The following ARNT2 variants were observed in gnomAD, a reference collection of about 807,000 sequenced individuals.
ARNT2 encodes the protein aryl hydrocarbon receptor nuclear translocator 2, also known as ARNT protein 2.
ARNT2 carries 36 observed loss-of-function variants against 91.7 expected under a neutral mutation model. That is an observed-to-expected ratio of 0.39 (90% CI 0.30 to 0.52). The LOEUF (loss-of-function observed/expected upper bound fraction) is 0.52, where lower values mean the gene tolerates loss of function less well. Ranked by LOEUF, ARNT2 falls within the 20% of genes least tolerant of loss-of-function variation. ARNT2 has a pLI of 0.72. For missense variants in ARNT2, 775 were observed against 939.3 expected (o/e 0.83, Z 2.29); for synonymous variants, 365 against 347.1 (o/e 1.05, Z -0.57).
chr15:80,551,697 G>A lies in ARNT2; in HGVS notation c.954+422G>A, dbSNP rs147189819. ...CCTTTCTATAAACCCCCACCTCTACGGGTGTTCACAGGCTGTTTCTTCTGC... is the reference window on the plus strand; with the variant it reads ...CCTTTCTATAAACCCCCACCTCTACAGGTGTTCACAGGCTGTTTCTTCTGC... On this transcript the variant is annotated intron_variant, in intron 9 of 18. Coordinates refer to ENST00000303329, the MANE Select transcript of ARNT2 (RefSeq NM_014862.4). Among the ~76,000 whole-genome samples, 465 of 152,138 alleles carry A rather than the reference G, an allele frequency of 3.1e-3. 1 individual carries two copies. The highest frequency in any genetic ancestry group is 0.011 in the African/African-American group (438 of 41,488).
At chr15:80,514,072 T>C (rs186442989) in intron 7 of ARNT2, 96 bp downstream of exon 7, 2 of 1,251,388 alleles carry the variant, frequency 1.6e-6, no homozygotes, top group Admixed American at 1.9e-5. Context: ...GGGCTTAGTG[T>C]GGTGAGGACC....
At chr15:80,581,606 T>A (rs1567007805) in intron 17 of ARNT2, among the ~76,000 whole-genome samples, 3 of 152,146 alleles carry the variant, frequency 2.0e-5, no homozygotes, top group Non-Finnish European at 4.4e-5. Flanking sequence ...GCTTTGTGAT[T>A]TGACTTTATC....
In ARNT2 at chr15:80,576,873, G is replaced by A. The variant is rs1344377286; in HGVS notation, c.1521G>A (p.Lys507=). The A allele has an allele frequency of 4.3e-6, 7 of 1,614,082 alleles. No individual in the cohort carries two copies. The highest frequency in any genetic ancestry group is 5.9e-6 in the Non-Finnish European group (7 of 1,180,030). Residue 507 remains lysine, a synonymous_variant, in exon 15 of 19, where the codon AAG becomes AAA. Transcript: ENST00000303329. ...CTGCTCTGGTTTTCCTAGCGGAGAA[G>A]AAGATGATGAGCTCAGCCTCTGCAG... is the stretch of plus-strand genomic sequence containing the variant. The part of the protein sequence containing the change: ...EMFAGISASE[K]KMMSSASAAG...
chr15:80,560,742 A>G (rs1289301859), intron 11 of ARNT2, among the ~76,000 whole-genome samples: 1 of 152,172 alleles, frequency 6.6e-6, no homozygotes, highest in East Asian at 1.9e-4. Flanking sequence ...CTGACCTGAG[A>G]GGCACATGGC....
At chr15:80,498,517 G>C (rs1394202299) in intron 5 of ARNT2, among the ~76,000 whole-genome samples, 1 of 152,160 alleles carries the variant, frequency 6.6e-6, no homozygotes, top group South Asian at 2.1e-4. Flanking sequence ...CAAAAGCTAG[G>C]CTGTCCCAGC....
chr15:80,580,155 G>C (rs1898763986), intron 15 of ARNT2: 1 of 482,830 alleles, frequency 2.1e-6, no homozygotes, highest in African/African-American at 1.9e-5. Context: ...GGAGACCCTG[G>C]GGAGAACGAG....
intron 5 of ARNT2, chr15:80,487,940 G>A (rs1467609156): frequency 6.6e-6 from 1 of 152,228 alleles, no homozygotes; most frequent in East Asian, 1.9e-4. Context: ...GGCTTACAGG[G>A]AATCAGGGAG....
intron 1 of ARNT2, among the ~76,000 whole-genome samples, chr15:80,419,009 C>T (rs968419828): frequency 7.2e-5 from 11 of 152,102 alleles, no homozygotes; most frequent in South Asian, 2.1e-4. Context: ...TTGAGGGGAG[C>T]GTCTTTCGGA....
chr15:80,474,284 A>G (rs6495504), intron 4 of ARNT2, among the ~76,000 whole-genome samples: 10,002 of 152,188 alleles, frequency 0.066, 778 homozygotes, highest in African/African-American at 0.18. Context: ...CATGACCCCA[A>G]TGAATCAATG....
chr15:80,529,997 T>G (rs1279604076), intron 8 of ARNT2, among the ~76,000 whole-genome samples: 1 of 152,256 alleles, frequency 6.6e-6, no homozygotes, highest in Non-Finnish European at 1.5e-5. Context: ...GGCTTTTTCC[T>G]CTTTTCTTTT....
In ARNT2 at chr15:80,577,023, C is replaced by G. The variant is rs1898689206; in HGVS notation, c.1613+58C>G. On this transcript the variant is annotated intron_variant, in intron 15 of 18. Coordinates refer to ENST00000303329, the MANE Select transcript of ARNT2 (RefSeq NM_014862.4). ...AAGATGCTCCCTCACCAAGAAAGCCCTGGGTCTCAGAGCACAGCTCTGTGG... is the reference window on the plus strand; with the variant it reads ...AAGATGCTCCCTCACCAAGAAAGCCGTGGGTCTCAGAGCACAGCTCTGTGG... 6.4e-6 allele frequency: 10 copies of G among 1,552,618 alleles called. No homozygotes were observed. In the East Asian group the frequency reaches 2.2e-4, roughly 35 times the overall value.
chr15:80,479,389 G>A (rs1896852936), intron 5 of ARNT2, among the ~76,000 whole-genome samples: 4 of 152,210 alleles, frequency 2.6e-5, no homozygotes, highest in Admixed American at 1.3e-4. Context: ...GACTTGTCAT[G>A]ATCTGACTTG....
intron 17 of ARNT2, among the ~76,000 whole-genome samples, chr15:80,585,915 G>C (rs1229254043): frequency 6.6e-6 from 1 of 152,234 alleles, no homozygotes; most frequent in Non-Finnish European, 1.5e-5. Context: ...CCTCTGCTGA[G>C]AAAGCCTAAC....
At chr15:80,581,998 C>CTT (rs1898807595) in intron 17 of ARNT2, among the ~76,000 whole-genome samples, 1 of 152,170 alleles carries the variant, frequency 6.6e-6, no homozygotes, top group African/African-American at 2.4e-5. Flanking sequence ...ATAAGAGACC[C>CTT]GTGGTCCTGG....
rs569152197 is a variant in ARNT2 at position 80,505,095 on chromosome 15, C to T, written c.623-3061C>T. 6.6e-5 allele frequency among the ~76,000 whole-genome samples: 10 copies of T among 152,314 alleles called. No individual in the cohort carries two copies. In the South Asian group the frequency reaches 1.0e-3, roughly 16 times the overall value. ...TAAGCCTGCCAGGAAACACATTTGT[C>T]GCTTGCCTCCTGTGTGCGAATCACT... On this transcript the variant is annotated intron_variant, in intron 5 of 18. Transcript: ENST00000303329.
intron 5 of ARNT2, among the ~76,000 whole-genome samples, chr15:80,478,353 G>A (rs909024905): frequency 6.6e-5 from 10 of 152,228 alleles, no homozygotes; most frequent in African/African-American, 1.7e-4. Context: ...TCATAGTTGG[G>A]TGGACATTTC....
At chr15:80,531,986 G>A (rs1201268100) in intron 8 of ARNT2, among the ~76,000 whole-genome samples, 2 of 152,156 alleles carry the variant, frequency 1.3e-5, no homozygotes, top group African/African-American at 4.8e-5. Context: ...TCGGCAGTGG[G>A]CGGCTCCACC....
At chr15:80,406,650 G>T (rs1332453205) in intron 1 of ARNT2, among the ~76,000 whole-genome samples, 1 of 152,292 alleles carries the variant, frequency 6.6e-6, no homozygotes, top group African/African-American at 2.4e-5. Context: ...AGGAAAGCCT[G>T]TGCCTGTGCC....
chr15:80,559,170 T>C (rs2141463052), intron 11 of ARNT2, among the ~76,000 whole-genome samples: 1 of 152,160 alleles, frequency 6.6e-6, no homozygotes. Context: ...CTGCTGACGC[T>C]GTCAGAACCG....
Sources: gnomAD v4.1 joint callset for allele counts (sites outside exome capture counted in the v4.1 genomes callset) on GRCh38, gnomAD v4.1.1 for gene constraint, MANE v1.5 for transcripts, NCBI Gene and HGNC (gene_info 2026-07-23, HGNC 2026-07-21) for gene names.